The following TRAK1 variants were observed in gnomAD, a reference collection of about 807,000 sequenced individuals.
TRAK1 encodes trafficking kinesin-binding protein 1.
TRAK1 carries 33 observed loss-of-function variants against 92.1 expected under a neutral mutation model. The observed-to-expected ratio is 0.36, with a 90% confidence interval of 0.27 to 0.48. The LOEUF is 0.48. Among genes scored for constraint, TRAK1 ranks in the 20% least tolerant of loss-of-function variants. The pLI, the probability that TRAK1 is intolerant of heterozygous loss-of-function variation, is 0.99. For missense variants in TRAK1, 1,123 were observed against 1,257.9 expected, an observed-to-expected ratio of 0.89 and a Z score of 1.62; for synonymous variants, 521 against 517.3, an observed-to-expected ratio of 1.01 and a Z score of -0.10.
At chr3:42,136,035 T>G (rs1400722902) in intron 2 of TRAK1, among the ~76,000 whole-genome samples, 1 of 152,214 alleles carries the variant, frequency 6.6e-6, no homozygotes, top group Non-Finnish European at 1.5e-5. Context: ...CCTGTTCTCC[T>G]AAATCCATCG....
intron 1 of TRAK1, chr3:42,051,633 T>A (rs1702986771): frequency 6.6e-6 from 1 of 152,246 alleles, no homozygotes; most frequent in Non-Finnish European, 1.5e-5. Context: ...CTGTCCTTTC[T>A]CCATATGGAC....
intron 4 of TRAK1, among the ~76,000 whole-genome samples, chr3:42,186,757 C>G (rs977783960): frequency 3.9e-5 from 6 of 152,172 alleles, no homozygotes; most frequent in African/African-American, 1.4e-4. Context: ...CCTTTTTTCC[C>G]CCTTGGAAAA....
chr3:42,189,892 A>G (rs73828593), intron 6 of TRAK1, among the ~76,000 whole-genome samples: 8,402 of 152,242 alleles, frequency 0.055, 229 homozygotes, highest in Middle Eastern at 0.075. Flanking sequence ...TTGGGGACTC[A>G]TGCTTTTGAG....
At chr3:42,073,200 G>T (rs1159818894) in intron 1 of TRAK1, among the ~76,000 whole-genome samples, 2 of 152,186 alleles carry the variant, frequency 1.3e-5, no homozygotes, top group Non-Finnish European at 2.9e-5. Context: ...TCTCCCAGGA[G>T]TTCACAAGAG....
intron 13 of TRAK1, among the ~76,000 whole-genome samples, chr3:42,205,359 C>G (rs1373896736): frequency 6.6e-6 from 1 of 152,114 alleles, no homozygotes; most frequent in Non-Finnish European, 1.5e-5. Flanking sequence ...TCCCTAGAGA[C>G]TGTTGGCTGA....
intron 11 of TRAK1, 109 bp from the exon 12 acceptor site, chr3:42,200,709 C>A: frequency 9.2e-7 from 1 of 1,086,732 alleles, no homozygotes; most frequent in Admixed American, 1.8e-5. Context: ...TGCTGGGGGA[C>A]TCGTCATAGG....
In TRAK1 at chr3:42,187,894, T is replaced by G; in HGVS notation, c.481-151T>G. The G allele has an allele frequency of 5.8e-6, 4 of 686,254 alleles. No homozygotes were observed. In the South Asian group the frequency reaches 7.1e-5, roughly 12 times the overall value. 42.5% of individuals were successfully genotyped at this position (686,254 alleles called of 1,614,324 possible). ...TAGATTAAATGAAAGCCTCTTTTTT[T>G]GAATAGCACAAAATCAGTTTAAATG... On this transcript the variant is annotated intron_variant, in intron 4 of 15. Transcript: ENST00000327628.
rs774912801 is a variant in TRAK1, at chr3:42,125,529, C to T, written c.201C>T (p.Asp67=). 8 of 1,614,222 alleles carry T rather than the reference C, an allele frequency of 5.0e-6. No individual in the cohort carries two copies. Among genetic ancestry groups the T allele is most frequent in the East Asian group, 4.5e-5 (2 of 44,888 alleles). ...ACACCATCTACGGTTATGACCACGA[C>T]GACTGGCTCCATACACCTCTCATTT... ...RADTIYGYDH[D]DWLHTPLISP... The change falls in exon 2 of 16, where the codon GAC becomes GAT. Residue 67 remains aspartate (D), a synonymous_variant. Transcript: ENST00000327628.
chr3:42,041,294 ATTGT>A (rs1416258890), intron 1 of TRAK1, among the ~76,000 whole-genome samples: 14 of 151,858 alleles, frequency 9.2e-5, no homozygotes, highest in Non-Finnish European at 1.3e-4. Context: ...TTCTTTCCAC[ATTGT>A]TTGTGGTTTT....
intron 1 of TRAK1, among the ~76,000 whole-genome samples, chr3:42,106,733 C>T (rs890608491): frequency 6.6e-6 from 1 of 152,156 alleles, no homozygotes; most frequent in Non-Finnish European, 1.5e-5. Context: ...AATGTGGAAT[C>T]ATTTTACTGT....
chr3:42,123,116 G>A (rs1710104370), intron 1 of TRAK1, among the ~76,000 whole-genome samples: 1 of 152,196 alleles, frequency 6.6e-6, no homozygotes, highest in South Asian at 2.1e-4. Context: ...GCTGCGGGAG[G>A]GGTGGGTGCT....
Position 42,223,131 on chromosome 3 carries a change from C to A in TRAK1, c.2256C>A (p.Ala752=), listed in dbSNP as rs768842799. The A allele has an allele frequency of 1.2e-6, 2 of 1,613,978 alleles. No individual in the cohort carries two copies. The highest frequency in any genetic ancestry group is 2.7e-5 in the African/African-American group (2 of 74,910). ...WLLKERGISA[A]VYDPQSWDRA... ...TGAAGGAGCGGGGCATTTCTGCTGCCGTGTACGACCCCCAGAGCTGGGACA... is the reference window on the plus strand; with the variant it reads ...TGAAGGAGCGGGGCATTTCTGCTGCAGTGTACGACCCCCAGAGCTGGGACA... The change falls in exon 16 of 16, where the codon GCC becomes GCA. Residue 752 remains alanine, a synonymous_variant. Transcript: ENST00000327628. This position sits in a 1 kb window ranked among gnomAD's most constrained non-coding sequence, Gnocchi z 6.1.
In TRAK1 at chr3:42,223,366, G is replaced by A. The variant is rs754914129; in HGVS notation, c.2491G>A (p.Glu831Lys). The change falls in exon 16 of 16, where the codon GAG becomes AAG. Residue 831 changes from glutamate to lysine, a missense_variant. Transcript: ENST00000327628. This position sits in a 1 kb window ranked among gnomAD's most constrained non-coding sequence, Gnocchi z 6.1. ...GAGAGAAAAGAACGTCCGCAGCAGC[G>A]AGAGCCAGACCGACGTGTCCGTCTC... Reference protein sequence around the residue: ...EVREKNVRSSESQTDVSVSNL... With the variant: ...EVREKNVRSSKSQTDVSVSNL... The A allele has an allele frequency of 1.3e-5, 21 of 1,614,094 alleles. No individual in the cohort carries two copies. The highest frequency in any genetic ancestry group is 5.5e-5 in the South Asian group (5 of 91,092).
At chr3:42,129,843 G>T (rs548254546) in intron 2 of TRAK1, among the ~76,000 whole-genome samples, 3 of 151,998 alleles carry the variant, frequency 2.0e-5, no homozygotes, top group African/African-American at 4.8e-5. Context: ...CTCTTACCCA[G>T]TATCTCAGAT....
At chr3:42,195,068 AG>A in intron 10 of TRAK1, 127 bp downstream of exon 10, 1 of 1,162,038 alleles carries the variant, frequency 8.6e-7, no homozygotes, top group Non-Finnish European at 1.2e-6. Context: ...TTCAGATCTG[AG>A]TCTGAATCAA....
At chr3:42,211,011 C>T (rs1391291663) in intron 14 of TRAK1, 2 of 985,360 alleles carry the variant, frequency 2.0e-6, no homozygotes, top group East Asian at 1.1e-4. Flanking sequence ...GACCTCCCAG[C>T]CCCTTGTGTT....
At chr3:42,073,162 C>T (rs2148940218) in intron 1 of TRAK1, among the ~76,000 whole-genome samples, 1 of 152,306 alleles carries the variant, frequency 6.6e-6, no homozygotes, top group African/African-American at 2.4e-5. Flanking sequence ...GCTGTTCTGG[C>T]TTGTGCTGTT....
intron 2 of TRAK1, among the ~76,000 whole-genome samples, chr3:42,171,556 C>T (rs1040044824): frequency 6.6e-6 from 1 of 152,128 alleles, no homozygotes; most frequent in Admixed American, 6.5e-5. Context: ...CTAGGTTCTG[C>T]CTTCTGCCTG....
chr3:42,183,698 A>C (rs1704369471), intron 3 of TRAK1, among the ~76,000 whole-genome samples: 1 of 152,010 alleles, frequency 6.6e-6, no homozygotes, highest in Non-Finnish European at 1.5e-5. Context: ...CATTTTTCCT[A>C]CCCCAAACGA....
Sources: allele counts gnomAD v4.1 joint callset (sites outside exome capture counted in the v4.1 genomes callset), GRCh38; gene constraint gnomAD v4.1.1; non-coding constraint Gnocchi (gnomAD v3.1); transcripts MANE v1.5; gene names NCBI Gene and HGNC (gene_info 2026-07-23, HGNC 2026-07-21).